Variants in TBKBP1 observed in about 807,000 individuals in gnomAD.
TBKBP1 encodes TBK1 binding protein 1.
A neutral mutation model predicts 69.9 loss-of-function variants in TBKBP1; 47 were observed. That is an observed-to-expected ratio of 0.67 (90% CI 0.53 to 0.86). TBKBP1 has a LOEUF of 0.86. TBKBP1 is among the 40% of genes least tolerant of loss of function. The pLI is 0.00. For synonymous variants in TBKBP1, 418 were observed against 390.3 expected (o/e 1.07, Z -0.84); for missense variants, 831 against 858.6 (o/e 0.97, Z 0.40).
rs565833686 is a variant in TBKBP1 at position 47,705,664 on chromosome 17, G to A, written c.873-2730G>A. On this transcript the variant is annotated intron_variant, in intron 7 of 9. Coordinates refer to ENST00000578982, the MANE Select transcript of TBKBP1 (RefSeq NM_001394755.1). ...CGTGTGCAACTCTTGGTTGTGTTGT[G>A]AAGTTGAGATTTTTTTTTCCACTGA... is the stretch of plus-strand genomic sequence containing the variant. Among the ~76,000 whole-genome samples, 11 of 152,360 alleles carry A rather than the reference G, an allele frequency of 7.2e-5. No individual in the cohort carries two copies. The East Asian group carries it at 1.7e-3, about 24-fold the overall frequency.
intron 7 of TBKBP1, 81 bp downstream of exon 7, chr17:47,699,778 G>T: frequency 6.5e-7 from 1 of 1,535,200 alleles, no homozygotes; most frequent in South Asian, 1.1e-5. Flanking sequence ...TGGTGTCTGG[G>T]CTGCTGTTGC....
chr17:47,705,134 C>G (rs1203495284), intron 7 of TBKBP1, among the ~76,000 whole-genome samples: 1 of 152,238 alleles, frequency 6.6e-6, no homozygotes, highest in African/African-American at 2.4e-5. Flanking sequence ...GTCCCCTCCT[C>G]CTCTTCGTCT....
Position 47,698,662 on chromosome 17 carries a change from G to A in TBKBP1, c.521G>A (p.Gly174Asp). Residue 174 changes from glycine to aspartate, a missense_variant, in exon 5 of 10, where the codon GGC becomes GAC. Transcript: ENST00000578982. The part of the protein sequence containing the change: ...GLEQQLRQQQ[G>D]LQDAAFSNLS... Reference sequence around the variant, plus strand: ...GAGCAGCAGCTGCGGCAACAGCAAGGCCTCCAGGATGCAGCCTTCTCCAAC... The same window carrying A: ...GAGCAGCAGCTGCGGCAACAGCAAGACCTCCAGGATGCAGCCTTCTCCAAC... 6.2e-7 allele frequency: 1 copy of A among 1,603,334 alleles called. No homozygotes were observed. The highest frequency in any genetic ancestry group is 2.3e-5 in the East Asian group (1 of 44,314).
Position 47,708,658 on chromosome 17 carries a change from G to A in TBKBP1, c.992-67G>A. On this transcript the variant is annotated intron_variant, in intron 8 of 9. Transcript: ENST00000578982. This position sits in a 1 kb window ranked among gnomAD's most constrained non-coding sequence, Gnocchi z 4.4. ...GGGCATGGGTCCGGGCAAGCCCCTG[G>A]CGCTCCAGTTCTGAGGTCTTCTCTC... 6.9e-7 allele frequency: 1 copy of A among 1,445,490 alleles called. No homozygotes were observed. Among genetic ancestry groups the A allele is most frequent in the Non-Finnish European group, 9.2e-7 (1 of 1,083,818 alleles). 89.5% of individuals were successfully genotyped at this position (1,445,490 alleles called of 1,614,324 possible). A position where few individuals can be genotyped will look rare whatever the true frequency, so the allele number is the denominator to read the frequency against.
chr17:47,699,126 T>A (rs747414419), intron 5 of TBKBP1, among the ~76,000 whole-genome samples, 194 bp from the exon 6 acceptor site: 3 of 152,148 alleles, frequency 2.0e-5, no homozygotes, highest in Non-Finnish European at 4.4e-5. Flanking sequence ...CTTATTTTTT[T>A]CCTGGCCTCC....
Position 47,710,726 on chromosome 17 carries a change from T to C in TBKBP1, c.*100T>C. On this transcript the variant is annotated 3_prime_UTR_variant, in exon 10 of 10. Transcript: ENST00000578982. Reference sequence around the variant, plus strand: ...GAATCTCGTGGGGGGTCCCTGCCCTTGCGACCCCCAGATACCTCCACTTGC... The same window carrying C: ...GAATCTCGTGGGGGGTCCCTGCCCTCGCGACCCCCAGATACCTCCACTTGC... The C allele has an allele frequency of 6.8e-7, 1 of 1,475,782 alleles. No individual in the cohort carries two copies. The highest frequency in any genetic ancestry group is 9.1e-7 in the Non-Finnish European group (1 of 1,093,658). 91.4% of individuals were successfully genotyped at this position (1,475,782 alleles called of 1,614,324 possible).
At chr17:47,709,483 C>A in intron 9 of TBKBP1, 31 bp downstream of exon 9, 1 of 1,472,204 alleles carries the variant, frequency 6.8e-7, no homozygotes, top group South Asian at 1.3e-5. Context: ...CCGCCCACCC[C>A]GGACCGGGCC....
In TBKBP1 at chr17:47,708,786, C is replaced by A. The variant is rs1446238012; in HGVS notation, c.1053C>A (p.Ser351=). Residue 351 remains serine, a synonymous_variant, in exon 9 of 10, where the codon TCC becomes TCA. Transcript: ENST00000578982. The surrounding 1 kb of genome is among the most constrained non-coding windows in gnomAD (Gnocchi z 4.4). The part of the protein sequence containing the change: ...HSPAPQCPSP[S]PPARAAPPCP... ...CGGCCCCCCAGTGCCCCTCCCCCTC[C>A]CCGCCTGCCCGAGCGGCTCCCCCGT... is the stretch of plus-strand genomic sequence containing the variant. 1.8e-6 allele frequency: 2 copies of A among 1,106,762 alleles called. No homozygotes were observed. Among genetic ancestry groups the A allele is most frequent in the Admixed American group, 2.4e-5 (1 of 42,270 alleles). The allele number at this position is 1,106,762 out of a possible 1,614,324, so 68.6% of individuals were successfully genotyped here.
At chr17:47,701,296 G>A (rs557061960) in intron 7 of TBKBP1, among the ~76,000 whole-genome samples, 1 of 152,120 alleles carries the variant, frequency 6.6e-6, no homozygotes, top group Admixed American at 6.5e-5. Flanking sequence ...GCTTGTGGCT[G>A]GAGCTTGGGG....
Position 47,696,199 on chromosome 17 carries a change from C to G in TBKBP1, c.87C>G (p.Asp29Glu). The G allele has an allele frequency of 6.2e-7, 1 of 1,613,704 alleles. No homozygotes were observed. Among genetic ancestry groups the G allele is most frequent in the South Asian group, 1.1e-5 (1 of 91,084 alleles). The change falls in exon 2 of 10, where the codon GAC (aspartate) becomes GAG (glutamate). Residue 29 changes from aspartate to glutamate, a missense_variant. Transcript: ENST00000578982. ...PSEVWLDSPG[D>E]PSLGGDMCSA... ...AGGTGTGGCTGGACAGTCCCGGAGA[C>G]CCCTCGCTTGGGGGCGACATGTGCT...
intron 7 of TBKBP1, among the ~76,000 whole-genome samples, chr17:47,700,939 G>T (rs1180247067): frequency 6.6e-6 from 1 of 152,136 alleles, no homozygotes; most frequent in African/African-American, 2.4e-5. Context: ...CTGAGAAATA[G>T]AGCTCAAACC....
At chr17:47,700,388 G>A (rs1356142704) in intron 7 of TBKBP1, among the ~76,000 whole-genome samples, 1 of 146,516 alleles carries the variant, frequency 6.8e-6, no homozygotes, top group Admixed American at 7.0e-5. Flanking sequence ...TGGGGTTCTT[G>A]AGTGTTTGGG....
At chr17:47,702,616 C>T (rs2031548844) in intron 7 of TBKBP1, among the ~76,000 whole-genome samples, 1 of 152,106 alleles carries the variant, frequency 6.6e-6, no homozygotes, top group Non-Finnish European at 1.5e-5. Context: ...TTAACGTTCC[C>T]ACGAAAACAG....
At position 47,709,013 on chromosome 17, in the gene TBKBP1, G is replaced by A. The variant is rs1002956148; in HGVS notation, c.1280G>A (p.Arg427Gln). Residue 427 changes from arginine to glutamine, a missense_variant, in exon 9 of 10, where the codon CGG becomes CAG. Coordinates refer to ENST00000578982, the MANE Select transcript of TBKBP1 (RefSeq NM_001394755.1). ...VPPSCPAPQP[R>Q]PPPPPPPGER... ...CCCAGCTGCCCGGCCCCGCAGCCCC[G>A]GCCACCGCCGCCGCCCCCGCCGGGC... 16 of 1,178,988 alleles carry A rather than the reference G, an allele frequency of 1.4e-5. No individual in the cohort carries two copies. The South Asian group carries it at 3.2e-4, about 24-fold the overall frequency. 73.0% of individuals were successfully genotyped at this position (1,178,988 alleles called of 1,614,324 possible). A position where few individuals can be genotyped will look rare whatever the true frequency, so the allele number is the denominator to read the frequency against.
rs2143356249 is a variant in TBKBP1 at position 47,708,868 on chromosome 17, T to G, written c.1135T>G (p.Ser379Ala). 1 of 1,370,366 alleles carries G rather than the reference T, an allele frequency of 7.3e-7. No homozygotes were observed. Among genetic ancestry groups the G allele is most frequent in the Non-Finnish European group, 9.4e-7 (1 of 1,069,500 alleles). 84.9% of individuals were successfully genotyped at this position (1,370,366 alleles called of 1,614,324 possible). A position where few individuals can be genotyped will look rare whatever the true frequency, so the allele number is the denominator to read the frequency against. ...CCGCTCTCCCGTGCCCCCGTGCCCC[T>G]CGCCGCAGCAGCGCCGCTCTCCGGC... ...QRRSPVPPCP[S>A]PQQRRSPASP... The change falls in exon 9 of 10, where the codon TCG (serine) becomes GCG (alanine). Residue 379 changes from serine (S) to alanine (A), a missense_variant. Transcript: ENST00000578982. This position sits in a 1 kb window ranked among gnomAD's most constrained non-coding sequence, Gnocchi z 4.4.
chr17:47,696,329 G>C lies in TBKBP1; in HGVS notation c.217G>C (p.Glu73Gln). ...ATLRRRLKVY[E>Q]IKYPLISDFG... is the part of the protein sequence containing the mutation. ...CCTCCGACGCCGCCTCAAAGTCTAC[G>C]AGATCAAGGTCAGAACTTGGAGAGG... Residue 73 changes from glutamate to glutamine, a missense_variant, in exon 2 of 10, where the codon GAG (glutamate) becomes CAG (glutamine). Glu to Gln is a conservative substitution (Grantham distance 29, BLOSUM62 2). Transcript: ENST00000578982. The C allele has an allele frequency of 8.1e-6, 13 of 1,612,806 alleles. No individual in the cohort carries two copies. Among genetic ancestry groups the C allele is most frequent in the Non-Finnish European group, 1.1e-5 (13 of 1,179,838 alleles).
Position 47,696,201 on chromosome 17 carries a change from C to G in TBKBP1, c.89C>G (p.Pro30Arg). Reference sequence around the variant, plus strand: ...GTGTGGCTGGACAGTCCCGGAGACCCCTCGCTTGGGGGCGACATGTGCTCC... The same window carrying G: ...GTGTGGCTGGACAGTCCCGGAGACCGCTCGCTTGGGGGCGACATGTGCTCC... ...SEVWLDSPGD[P>R]SLGGDMCSAS... The change falls in exon 2 of 10, where the codon CCC becomes CGC. Residue 30 changes from proline to arginine, a missense_variant. By Grantham distance (103) the Pro-to-Arg change is moderately radical. Transcript: ENST00000578982. 1 of 1,613,752 alleles carries G rather than the reference C, an allele frequency of 6.2e-7. No homozygotes were observed. The highest frequency in any genetic ancestry group is 8.5e-7 in the Non-Finnish European group (1 of 1,179,866).
intron 4 of TBKBP1, among the ~76,000 whole-genome samples, chr17:47,697,581 C>G (rs1484225505): frequency 6.6e-6 from 1 of 151,958 alleles, no homozygotes; most frequent in Admixed American, 6.6e-5. Context: ...AGGGTGAGGG[C>G]AGAGGTGACC....
Position 47,708,659 on chromosome 17 carries a change from C to A in TBKBP1, c.992-66C>A. ...GGCATGGGTCCGGGCAAGCCCCTGG[C>A]GCTCCAGTTCTGAGGTCTTCTCTCT... On this transcript the variant is annotated intron_variant, in intron 8 of 9. Coordinates refer to ENST00000578982, the MANE Select transcript of TBKBP1 (RefSeq NM_001394755.1). This position sits in a 1 kb window ranked among gnomAD's most constrained non-coding sequence, Gnocchi z 4.4. 6.9e-7 allele frequency: 1 copy of A among 1,441,146 alleles called. No individual in the cohort carries two copies. The highest frequency in any genetic ancestry group is 9.3e-7 in the Non-Finnish European group (1 of 1,080,948). The allele number at this position is 1,441,146 out of a possible 1,614,324, so 89.3% of individuals were successfully genotyped here.
Sources: gnomAD v4.1 joint callset for allele counts (sites outside exome capture counted in the v4.1 genomes callset) on GRCh38, gnomAD v4.1.1 for gene constraint, Gnocchi (gnomAD v3.1) non-coding constraint, MANE v1.5 for transcripts, NCBI Gene and HGNC (gene_info 2026-07-23, HGNC 2026-07-21) for gene names.